Variants in MGST1 observed in about 807,000 individuals in gnomAD.
MGST1 encodes microsomal glutathione S-transferase 1.
A neutral mutation model predicts 8.9 loss-of-function variants in MGST1; 5 were observed. The ratio of observed to expected loss-of-function variants is 0.56; its 90% CI spans 0.29 to 1.19. The LOEUF is 1.19. Ranked by LOEUF, MGST1 falls within the 50% of genes most tolerant of loss-of-function variation. The probability of loss-of-function intolerance (pLI) is 0.08; values close to 1 mark genes in which losing one functional copy is unlikely to be tolerated. For missense variants in MGST1, 182 were observed against 187.4 expected (o/e 0.97, Z 0.17); for synonymous variants, 54 against 67.8 (o/e 0.80, Z 1.00).
At chr12:16,394,567 TTTCTTTCTTC>T (rs1171466853) in intron 1 of MGST1, among the ~76,000 whole-genome samples, 1 of 55,958 alleles carries the variant, frequency 1.8e-5, no homozygotes, top group African/African-American at 5.1e-5. Flanking sequence ...TCTTTCTTTC[TTTCTTTCTTC>T]TCTCTGTCTC....
At position 16,546,971 on chromosome 12, in the gene MGST1, A is replaced by G. The variant is rs978803830; in HGVS notation, n.483-42557A>G. On this transcript the variant is annotated intron_variant and non_coding_transcript_variant, in intron 4 of 4. Coordinates refer to the MGST1 transcript ENST00000538857. This position sits in a 1 kb window ranked among gnomAD's most constrained non-coding sequence, Gnocchi z 4.7. ...TGTATACTAAAGCGTTGTAAAATTGACTCAAGTGTTTTAGCAGCTATTCTT... is the reference window on the plus strand; with the variant it reads ...TGTATACTAAAGCGTTGTAAAATTGGCTCAAGTGTTTTAGCAGCTATTCTT... Among the ~76,000 whole-genome samples the G allele has an allele frequency of 8.5e-5, 13 of 152,276 alleles. No individual in the cohort carries two copies. The South Asian group carries it at 2.5e-3, about 29-fold the overall frequency.
At position 16,547,552 on chromosome 12, in the gene MGST1, T is replaced by C. The variant is rs766636545; in HGVS notation, n.483-41976T>C. ...CCAGTGCAAAGACATGTTAAAGTTA[T>C]TTGATCTAGGCCAACCCTAAGTCTG... On this transcript the variant is annotated intron_variant and non_coding_transcript_variant, in intron 4 of 4. Coordinates refer to the MGST1 transcript ENST00000538857. This position sits in a 1 kb window ranked among gnomAD's most constrained non-coding sequence, Gnocchi z 4.6. Among the ~76,000 whole-genome samples the C allele has an allele frequency of 7.9e-5, 12 of 152,094 alleles. No individual in the cohort carries two copies. Among genetic ancestry groups the C allele is most frequent in the Non-Finnish European group, 1.5e-4 (10 of 68,012 alleles).
intron 4 of MGST1, among the ~76,000 whole-genome samples, chr12:16,452,868 G>C (rs1304075422): frequency 6.6e-6 from 1 of 151,844 alleles, no homozygotes; most frequent in Non-Finnish European, 1.5e-5. Context: ...AGTCCTAGTG[G>C]TTTTTAGAGG....
At chr12:16,550,591 T>C (rs990928255) in intron 4 of MGST1, 2 of 152,142 alleles carry the variant, frequency 1.3e-5, no homozygotes, top group African/African-American at 4.8e-5. Flanking sequence ...CCCCTGAAAA[T>C]AGGGGGTTAT....
chr12:16,502,287 T>C (rs1393271916), intron 4 of MGST1, among the ~76,000 whole-genome samples: 4 of 152,210 alleles, frequency 2.6e-5, no homozygotes, highest in Non-Finnish European at 5.9e-5. Flanking sequence ...ACATTTAGGC[T>C]GACCTGGATC....
intron 1 of MGST1, among the ~76,000 whole-genome samples, chr12:16,435,502 TTTTA>T (rs1940976781): frequency 6.6e-6 from 1 of 152,004 alleles, no homozygotes; most frequent in African/African-American, 2.4e-5. Context: ...TGCTATGAAT[TTTTA>T]TTTATTTACA....
intron 1 of MGST1, among the ~76,000 whole-genome samples, chr12:16,414,939 A>G (rs1940774923): frequency 6.6e-6 from 1 of 151,958 alleles, no homozygotes; most frequent in Non-Finnish European, 1.5e-5. Context: ...CATGAGAATC[A>G]CTTGAACCTA....
chr12:16,388,403 T>C (rs956427005), intron 1 of MGST1, among the ~76,000 whole-genome samples: 1 of 152,114 alleles, frequency 6.6e-6, no homozygotes, highest in African/African-American at 2.4e-5. Flanking sequence ...ACTTGTTTGC[T>C]TTTCTATGAC....
chr12:16,413,296 C>T lies in MGST1; in HGVS notation n.779-24092C>T, dbSNP rs1489856558. Among the ~76,000 whole-genome samples the T allele has an allele frequency of 2.0e-5, 3 of 152,184 alleles. No individual in the cohort carries two copies. The highest frequency in any genetic ancestry group is 1.3e-4 in the Admixed American group (2 of 15,276). Reference sequence around the variant, plus strand: ...TGTTGAGAAGCCATGCTAGCCACTGCTCAGGTAGCTGTCAAGGGAGAGTCT... The same window carrying T: ...TGTTGAGAAGCCATGCTAGCCACTGTTCAGGTAGCTGTCAAGGGAGAGTCT... On this transcript the variant is annotated intron_variant and non_coding_transcript_variant, in intron 1 of 1. Transcript: ENST00000359720. The surrounding 1 kb of genome is among the most constrained non-coding windows in gnomAD (Gnocchi z 4.0).
At chr12:16,508,067 A>T (rs1462927209) in intron 4 of MGST1, among the ~76,000 whole-genome samples, 1 of 152,036 alleles carries the variant, frequency 6.6e-6, no homozygotes, top group Non-Finnish European at 1.5e-5. Flanking sequence ...GGAAGAAGGG[A>T]TCTCTTTATG....
intron 4 of MGST1, among the ~76,000 whole-genome samples, chr12:16,465,993 C>A (rs1372140733): frequency 7.2e-5 from 11 of 152,106 alleles, no homozygotes; most frequent in Admixed American, 3.9e-4. Context: ...TAGCTAATAA[C>A]TCTTATTTTT....
Position 16,364,111 on chromosome 12 carries a change from T to G in MGST1, c.*70T>G. 3 of 1,499,580 alleles carry G rather than the reference T, an allele frequency of 2.0e-6. No homozygotes were observed. The highest frequency in any genetic ancestry group is 2.7e-6 in the Non-Finnish European group (3 of 1,123,386). 92.9% of individuals were successfully genotyped at this position (1,499,580 alleles called of 1,614,324 possible). On this transcript the variant is annotated 3_prime_UTR_variant, in exon 4 of 4. Transcript: ENST00000396210. The surrounding 1 kb of genome is among the most constrained non-coding windows in gnomAD (Gnocchi z 5.7). ...TGTACTTCCAATTTATAATGAATAC[T>G]TTCTTAGATTTTAGGTAGGAGGGGA... is the stretch of plus-strand genomic sequence containing the variant.
Position 16,389,025 on chromosome 12 carries a change from C to A in MGST1, n.778+5421C>A, listed in dbSNP as rs1940527861. 6.6e-6 allele frequency among the ~76,000 whole-genome samples: 1 copy of A among 152,240 alleles called. No homozygotes were observed. Among genetic ancestry groups the A allele is most frequent in the Non-Finnish European group, 1.5e-5 (1 of 68,046 alleles). On this transcript the variant is annotated intron_variant and non_coding_transcript_variant, in intron 1 of 1. Transcript: ENST00000359720. This position sits in a 1 kb window ranked among gnomAD's most constrained non-coding sequence, Gnocchi z 4.6. ...TGCTTCTTGAAGTTCAGCTTCTGAA[C>A]CTTCTTGGGGAAATTAAGTTAATCT... is the stretch of plus-strand genomic sequence containing the variant.
At position 16,401,818 on chromosome 12, in the gene MGST1, C is replaced by G; in HGVS notation, n.778+18214C>G. ...TCATCTGCATCAACTATTTCCATGACTCTTTCCTTGAAGAATTTGTTGAAG... is the reference window on the plus strand; with the variant it reads ...TCATCTGCATCAACTATTTCCATGAGTCTTTCCTTGAAGAATTTGTTGAAG... On this transcript the variant is annotated intron_variant and non_coding_transcript_variant, in intron 1 of 1. Coordinates refer to the MGST1 transcript ENST00000359720. This position sits in a 1 kb window ranked among gnomAD's most constrained non-coding sequence, Gnocchi z 4.3. 4 of 1,604,554 alleles carry G rather than the reference C, an allele frequency of 2.5e-6. No homozygotes were observed. The highest frequency in any genetic ancestry group is 3.4e-6 in the Non-Finnish European group (4 of 1,171,238).
At chr12:16,348,729 A>T (rs1939312442) in intron 1 of MGST1, among the ~76,000 whole-genome samples, 1 of 150,300 alleles carries the variant, frequency 6.7e-6, no homozygotes, top group South Asian at 2.1e-4. Context: ...TGGCCTTAGG[A>T]TAGTACTGGA....
chr12:16,425,472 C>T (rs955677093), intron 1 of MGST1, among the ~76,000 whole-genome samples: 3 of 152,072 alleles, frequency 2.0e-5, no homozygotes, highest in African/African-American at 7.2e-5. Context: ...TTAGTAGAGA[C>T]AGGGTTTCTC....
Position 16,372,832 on chromosome 12 carries a change from T to C in MGST1, c.222-3290T>C, listed in dbSNP as rs534384984. ...GGATGTGTGTGTGTATAATATAATA[T>C]TCCATTATATATTATATGTTACATA... On this transcript the variant is annotated intron_variant, in intron 3 of 3. Transcript: ENST00000535309. Among the ~76,000 whole-genome samples, 4 of 147,532 alleles carry C rather than the reference T, an allele frequency of 2.7e-5. No homozygotes were observed. In the South Asian group the frequency reaches 8.5e-4, roughly 31 times the overall value.
chr12:16,401,284 C>T lies in MGST1; in HGVS notation n.778+17680C>T, dbSNP rs1182534948. 1.9e-6 allele frequency: 3 copies of T among 1,540,356 alleles called. No individual in the cohort carries two copies. Among genetic ancestry groups the T allele is most frequent in the African/African-American group, 1.4e-5 (1 of 73,368 alleles). On this transcript the variant is annotated intron_variant and non_coding_transcript_variant, in intron 1 of 1. Coordinates refer to the MGST1 transcript ENST00000359720. This position sits in a 1 kb window ranked among gnomAD's most constrained non-coding sequence, Gnocchi z 4.3. ...GTTAGTCAGGTCTGAGAATCCCAAA[C>T]TGATGCTGAAAACCATTCCTGTCTT...
At chr12:16,495,824 C>T (rs924140365) in intron 4 of MGST1, among the ~76,000 whole-genome samples, 7 of 151,984 alleles carry the variant, frequency 4.6e-5, no homozygotes, top group South Asian at 4.1e-4. Context: ...TCCATTATAA[C>T]GCATCCTCCC....
Sources: gnomAD v4.1 joint callset for allele counts (sites outside exome capture counted in the v4.1 genomes callset) on GRCh38, gnomAD v4.1.1 for gene constraint, Gnocchi (gnomAD v3.1) non-coding constraint, MANE v1.5 for transcripts, NCBI Gene and HGNC (gene_info 2026-07-23, HGNC 2026-07-21) for gene names.